DCC: variants seen among roughly 807,000 people sequenced by gnomAD.
The protein encoded by DCC is DCC netrin 1 receptor, also known as netrin receptor DCC.
In DCC, 58 loss-of-function variants were observed where a neutral mutation model predicts 172.5. The ratio of observed to expected loss-of-function variants is 0.34; its 90% CI spans 0.27 to 0.42. The LOEUF (loss-of-function observed/expected upper bound fraction) is 0.42. Among genes scored for constraint, DCC ranks in the 10% least tolerant of loss-of-function variants. The pLI is 1.00. For missense variants in DCC, 1,740 were observed against 1,791.0 expected (o/e 0.97, Z 0.51); for synonymous variants, 709 against 644.5 (o/e 1.10, Z -1.52).
intron 11 of DCC, among the ~76,000 whole-genome samples, chr18:53,208,546 T>C (rs1481984505): frequency 6.6e-6 from 1 of 152,044 alleles, no homozygotes; most frequent in Non-Finnish European, 1.5e-5. Context: ...TTAGAAAATA[T>C]ATCAAAAGGA....
intron 12 of DCC, among the ~76,000 whole-genome samples, chr18:53,270,932 C>T (rs1233155612): frequency 1.3e-5 from 2 of 152,080 alleles, no homozygotes; most frequent in African/African-American, 4.8e-5. Context: ...ATTCAACTGG[C>T]TTAATTCTCA....
At chr18:52,435,766 G>C (rs534882751) in intron 1 of DCC, among the ~76,000 whole-genome samples, 1 of 152,160 alleles carries the variant, frequency 6.6e-6, no homozygotes, top group South Asian at 2.1e-4. Flanking sequence ...TCGCTGCCCC[G>C]TGTTGGGGCA....
intron 7 of DCC, among the ~76,000 whole-genome samples, chr18:53,070,446 T>C (rs796683487): frequency 1.8e-4 from 28 of 152,330 alleles, no homozygotes; most frequent in African/African-American, 6.5e-4. Context: ...TAATTTCCAA[T>C]AGTTGAGCTT....
At chr18:53,111,252 G>A (rs2043326295) in intron 7 of DCC, among the ~76,000 whole-genome samples, 1 of 103,936 alleles carries the variant, frequency 9.6e-6, no homozygotes, top group Non-Finnish European at 1.9e-5. Flanking sequence ...ACTGTTGTGG[G>A]GTGGGGGGAG....
intron 12 of DCC, among the ~76,000 whole-genome samples, chr18:53,252,721 T>C (rs970289264): frequency 2.0e-5 from 3 of 151,966 alleles, no homozygotes; most frequent in Non-Finnish European, 1.5e-5. Flanking sequence ...GATGTTGACT[T>C]GTCTATCTGG....
chr18:52,865,013 C>T (rs1463337490), intron 2 of DCC, among the ~76,000 whole-genome samples: 3 of 152,014 alleles, frequency 2.0e-5, no homozygotes, highest in Non-Finnish European at 4.4e-5. Flanking sequence ...CTACAGGTGC[C>T]TGCCACCACG....
intron 12 of DCC, among the ~76,000 whole-genome samples, chr18:53,266,760 A>G (rs532827151): frequency 3.3e-5 from 5 of 151,894 alleles, no homozygotes; most frequent in Middle Eastern, 3.4e-3. Context: ...AACATTTCAT[A>G]TAAATGAAAT....
chr18:53,146,800 G>C (rs2043922482), intron 7 of DCC, among the ~76,000 whole-genome samples: 1 of 152,164 alleles, frequency 6.6e-6, no homozygotes, highest in Non-Finnish European at 1.5e-5. Context: ...AGATACATTT[G>C]TTATGGTGGA....
intron 23 of DCC, among the ~76,000 whole-genome samples, chr18:53,454,202 A>T (rs2045453724): frequency 6.6e-6 from 1 of 152,132 alleles, no homozygotes; most frequent in Non-Finnish European, 1.5e-5. Context: ...TAAATCAGCC[A>T]GATATGGTGG....
At chr18:52,520,217 C>T (rs577005478) in intron 1 of DCC, among the ~76,000 whole-genome samples, 73 of 152,318 alleles carry the variant, frequency 4.8e-4, no homozygotes, top group African/African-American at 1.6e-3. Flanking sequence ...CTCCTCCAAG[C>T]ACCTAGTGCT....
chr18:52,654,335 T>C (rs1248363600), intron 1 of DCC, among the ~76,000 whole-genome samples: 2 of 152,138 alleles, frequency 1.3e-5, no homozygotes, highest in East Asian at 1.9e-4. Context: ...CCATTACCAT[T>C]GAACAAGATA....
chr18:53,248,331 C>A (rs527846494), intron 12 of DCC, among the ~76,000 whole-genome samples: 1 of 151,946 alleles, frequency 6.6e-6, no homozygotes, highest in Admixed American at 6.6e-5. Context: ...TGATTACCCC[C>A]AGAATGGTCC....
At chr18:52,646,648 A>G (rs1429383685) in intron 1 of DCC, among the ~76,000 whole-genome samples, 5 of 152,206 alleles carry the variant, frequency 3.3e-5, no homozygotes, top group African/African-American at 1.2e-4. Flanking sequence ...TATGATAAAG[A>G]ACATTATAAA....
intron 7 of DCC, among the ~76,000 whole-genome samples, chr18:53,132,586 G>A (rs895034600): frequency 3.9e-5 from 6 of 152,096 alleles, no homozygotes; most frequent in African/African-American, 1.4e-4. Flanking sequence ...ATTCATTTAG[G>A]CTGTCAAATA....
intron 2 of DCC, among the ~76,000 whole-genome samples, chr18:52,830,148 A>G (rs967057686): frequency 5.3e-5 from 8 of 152,184 alleles, no homozygotes; most frequent in African/African-American, 1.4e-4. Flanking sequence ...GATGCAGTGG[A>G]GATACAATAG....
intron 1 of DCC, among the ~76,000 whole-genome samples, chr18:52,450,836 T>C (rs976665591): frequency 3.7e-4 from 56 of 152,312 alleles, no homozygotes; most frequent in Middle Eastern, 3.4e-3. Context: ...AAGAATAGAC[T>C]ATGCTCTGCA....
At chr18:52,980,419 A>T (rs2041191313) in intron 5 of DCC, among the ~76,000 whole-genome samples, 1 of 152,072 alleles carries the variant, frequency 6.6e-6, no homozygotes, top group Non-Finnish European at 1.5e-5. Flanking sequence ...GGGTCCGGTT[A>T]TCTAGACAGT....
At chr18:52,823,200 G>A (rs75807737) in intron 2 of DCC, among the ~76,000 whole-genome samples, 16,105 of 152,066 alleles carry the variant, frequency 0.11, 927 homozygotes, top group South Asian at 0.2. Context: ...CAGGCTTTGT[G>A]GCTCACACCT....
intron 5 of DCC, among the ~76,000 whole-genome samples, chr18:53,020,277 G>A (rs1295293103): frequency 1.3e-5 from 2 of 152,092 alleles, no homozygotes; most frequent in East Asian, 3.8e-4. Context: ...AGATCATCTT[G>A]TTATAATCCC....
Sources: allele counts gnomAD v4.1 joint callset (sites outside exome capture counted in the v4.1 genomes callset), GRCh38; gene constraint gnomAD v4.1.1; transcripts MANE v1.5; gene names NCBI Gene and HGNC (gene_info 2026-07-23, HGNC 2026-07-21).